The following ARHGEF28 variants were observed in gnomAD, a reference collection of about 807,000 sequenced individuals.
ARHGEF28 encodes 190 kDa guanine nucleotide exchange factor.
Under a neutral mutation model 206.6 loss-of-function variants are expected in ARHGEF28, and 152 were observed. The observed-to-expected ratio is 0.74, with a 90% CI of 0.64 to 0.84. The LOEUF is 0.84. Ranked by LOEUF, ARHGEF28 falls within the 40% of genes least tolerant of loss-of-function variation. ARHGEF28 has a pLI of 0.00. For missense variants in ARHGEF28, 2,028 were observed against 2,073.2 expected, an observed-to-expected ratio of 0.98 and a Z score of 0.42; for synonymous variants, 763 against 776.4, an observed-to-expected ratio of 0.98 and a Z score of 0.29.
intron 1 of ARHGEF28, among the ~76,000 whole-genome samples, chr5:73,658,962 T>TACACACACACACAC (rs55877309): frequency 7.2e-5 from 9 of 124,848 alleles, no homozygotes; most frequent in East Asian, 4.6e-4. Context: ...TGCATGCAGG[T>TACACACACACACAC]ACACACACAC....
chr5:73,792,421 C>A (rs1580624370), intron 7 of ARHGEF28, among the ~76,000 whole-genome samples: 1 of 152,132 alleles, frequency 6.6e-6, no homozygotes, highest in Admixed American at 6.5e-5. Flanking sequence ...ATGAGATTGC[C>A]TTTTCCATTA....
In ARHGEF28 at chr5:73,840,511, T is replaced by C; in HGVS notation, c.1178T>C (p.Ile393Thr). 2 of 1,613,918 alleles carry C rather than the reference T, an allele frequency of 1.2e-6. No homozygotes were observed. The highest frequency in any genetic ancestry group is 2.2e-5 in the East Asian group (1 of 44,876). The change falls in exon 11 of 36, where the codon ATA becomes ACA. Residue 393 changes from isoleucine to threonine, a missense_variant. Around this residue, in one of 3 missense-constraint regions of ARHGEF28, gnomAD observed 1,002 missense variants for 1,015.3 expected, o/e 0.99. Transcript: ENST00000513042. ...GATTTGGATATCAGCTATATTAATA[T>C]AGAGGGAATCACTGCCACTACCAGC... ...VGDLDISYIN[I>T]EGITATTSPE...
At chr5:73,723,138 CTT>C (rs1295578827) in intron 2 of ARHGEF28, among the ~76,000 whole-genome samples, 1 of 152,164 alleles carries the variant, frequency 6.6e-6, no homozygotes, top group Non-Finnish European at 1.5e-5. Flanking sequence ...AGTCTCCTCT[CTT>C]ATCTTCTCCA....
intron 24 of ARHGEF28, among the ~76,000 whole-genome samples, chr5:73,884,227 A>G (rs1288363712): frequency 6.6e-6 from 1 of 152,150 alleles, no homozygotes; most frequent in Non-Finnish European, 1.5e-5. Flanking sequence ...GAAACATGCT[A>G]TTGATCCTAT....
chr5:73,657,980 G>A (rs1375149490), intron 1 of ARHGEF28, among the ~76,000 whole-genome samples: 5 of 152,118 alleles, frequency 3.3e-5, no homozygotes, highest in African/African-American at 1.2e-4. Flanking sequence ...GTTTTTCAAT[G>A]AGTCTTTATT....
chr5:73,781,793 G>A (rs114471563), intron 7 of ARHGEF28, among the ~76,000 whole-genome samples: 1,991 of 152,132 alleles, frequency 0.013, 21 homozygotes, highest in Middle Eastern at 0.048. Context: ...TTTTAGTTAG[G>A]ATATTATATT....
In ARHGEF28 at chr5:73,867,928, C is replaced by G. The variant is rs761966475; in HGVS notation, c.2205C>G (p.Ser735=). 6.2e-7 allele frequency: 1 copy of G among 1,613,924 alleles called. No homozygotes were observed. Residue 735 remains serine (S), a synonymous_variant, in exon 19 of 36, where the codon TCC becomes TCG. Coordinates refer to ENST00000513042, the MANE Select transcript of ARHGEF28 (RefSeq NM_001177693.2). Reference sequence around the variant, plus strand: ...CTGGTCTCTCCTTGCACCCTTCTTCCTCCGTGCCTGTTGGATTGCCGACTG... The same window carrying G: ...CTGGTCTCTCCTTGCACCCTTCTTCGTCCGTGCCTGTTGGATTGCCGACTG... ...PQPGLSLHPS[S]SVPVGLPTGR...
intron 33 of ARHGEF28, among the ~76,000 whole-genome samples, chr5:73,906,213 A>G (rs1762545747): frequency 6.6e-6 from 1 of 152,176 alleles, no homozygotes; most frequent in South Asian, 2.1e-4. Context: ...ATATTTATAT[A>G]TCCTTCCACA....
intron 2 of ARHGEF28, among the ~76,000 whole-genome samples, chr5:73,732,814 G>A (rs1049751087): frequency 3.3e-5 from 5 of 151,396 alleles, no homozygotes; most frequent in Middle Eastern, 3.4e-3. Context: ...GAAAAAAGTG[G>A]TATATGAAAG....
At chr5:73,875,058 C>A (rs1317263318) in intron 22 of ARHGEF28, among the ~76,000 whole-genome samples, 6 of 150,106 alleles carry the variant, frequency 4.0e-5, no homozygotes, top group African/African-American at 1.5e-4. Context: ...GTTCCCATTT[C>A]TCCACATCCT....
intron 6 of ARHGEF28, 112 bp downstream of exon 6, chr5:73,776,808 C>T (rs964905865): frequency 1.2e-4 from 109 of 912,560 alleles, no homozygotes; most frequent in Admixed American, 5.2e-5. Context: ...TTTAATGAAA[C>T]CTTGGGGGAC....
chr5:73,644,844 A>G (rs1744331877), intron 1 of ARHGEF28, among the ~76,000 whole-genome samples: 1 of 152,092 alleles, frequency 6.6e-6, no homozygotes, highest in Non-Finnish European at 1.5e-5. Flanking sequence ...ATTAAACTCC[A>G]CTGATACAGT....
At chr5:73,869,668 A>T (rs2112636692) in intron 20 of ARHGEF28, among the ~76,000 whole-genome samples, 1 of 152,270 alleles carries the variant, frequency 6.6e-6, no homozygotes, top group South Asian at 2.1e-4. Context: ...GCACTTTGGG[A>T]GGCTGAGGCG....
At chr5:73,869,642 C>G (rs1580011512) in intron 20 of ARHGEF28, among the ~76,000 whole-genome samples, 1 of 152,162 alleles carries the variant, frequency 6.6e-6, no homozygotes. Context: ...CACGGTGGCT[C>G]AGGCCTGTAA....
intron 2 of ARHGEF28, among the ~76,000 whole-genome samples, chr5:73,720,752 G>A (rs1198313384): frequency 2.0e-5 from 3 of 152,118 alleles, no homozygotes. Context: ...CCTGCTGACC[G>A]ATTGCTCCTT....
Position 73,795,402 on chromosome 5 carries a change from A to C in ARHGEF28, c.1024+11A>C, listed in dbSNP as rs2112487440. 6.2e-7 allele frequency: 1 copy of C among 1,610,652 alleles called. No homozygotes were observed. Among genetic ancestry groups the C allele is most frequent in the South Asian group, 1.1e-5 (1 of 90,950 alleles). On this transcript the variant is annotated intron_variant, in intron 9 of 35. Transcript: ENST00000513042. Reference sequence around the variant, plus strand: ...ACAGCCTAGATTTGGGTATGAAATAACGCTTTTACCTATACTCGTAGGGGC... The same window carrying C: ...ACAGCCTAGATTTGGGTATGAAATACCGCTTTTACCTATACTCGTAGGGGC...
At chr5:73,673,437 TA>T (rs1219893675) in intron 1 of ARHGEF28, among the ~76,000 whole-genome samples, 1 of 152,192 alleles carries the variant, frequency 6.6e-6, no homozygotes, top group African/African-American at 2.4e-5. Context: ...TAAAATCAAA[TA>T]AAATTCTGTG....
At chr5:73,900,727 C>T (rs1421304870) in intron 30 of ARHGEF28, 1 of 154,200 alleles carries the variant, frequency 6.5e-6, no homozygotes, top group Non-Finnish European at 1.4e-5. Flanking sequence ...TCCTCCTAAA[C>T]CTTGTTTATC....
At chr5:73,668,683 G>A (rs1171963486) in intron 1 of ARHGEF28, among the ~76,000 whole-genome samples, 1 of 151,214 alleles carries the variant, frequency 6.6e-6, no homozygotes, top group Admixed American at 6.6e-5. Flanking sequence ...TGAATAGGCT[G>A]CCTGAAAATG....
Sources: gnomAD v4.1 joint callset for allele counts (sites outside exome capture counted in the v4.1 genomes callset) on GRCh38, gnomAD v4.1.1 for gene constraint, gnomAD v4.1.1 regional missense constraint, MANE v1.5 for transcripts, NCBI Gene and HGNC (gene_info 2026-07-23, HGNC 2026-07-21) for gene names.